ANKRD42: variants seen among roughly 807,000 people sequenced by gnomAD.
ANKRD42 encodes ankyrin repeat domain 42, also known as ankyrin repeat domain-containing protein 42.
ANKRD42 carries 43 observed loss-of-function variants against 51.5 expected under a neutral mutation model. The ratio of observed to expected loss-of-function variants is 0.83; its 90% CI spans 0.65 to 1.08. ANKRD42 has a LOEUF of 1.08. ANKRD42 is among the 50% of genes least tolerant of loss of function. The pLI, the probability that ANKRD42 is intolerant of heterozygous loss-of-function variation, is 0.00. For missense variants in ANKRD42, 608 were observed against 629.3 expected (o/e 0.97, Z 0.36); for synonymous variants, 203 against 213.0 (o/e 0.95, Z 0.41).
chr11:83,239,218 T>C lies in ANKRD42; in HGVS notation c.1020-1541T>C, dbSNP rs137964830. Among the ~76,000 whole-genome samples the C allele has an allele frequency of 8.9e-4, 136 of 152,344 alleles. 2 individuals carry two copies. Among genetic ancestry groups the C allele is most frequent in the Middle Eastern group, 3.4e-3 (1 of 294 alleles). ...ACATACTTGCCATCTGTATATTTTC[T>C]TTGATGAAGTGATTATTCAGATCTT... On this transcript the variant is annotated intron_variant, in intron 8 of 10. Transcript: ENST00000533342.
chr11:83,245,364 A>G, intron 9 of ANKRD42, 134 bp from the exon 10 acceptor site: 1 of 882,934 alleles, frequency 1.1e-6, no homozygotes, highest in Non-Finnish European at 1.7e-6. Context: ...GTATATACCA[A>G]CCTTCCTCCA....
rs533469095 is a variant in ANKRD42 at position 83,220,148 on chromosome 11, G to A, written c.587-4707G>A. Among the ~76,000 whole-genome samples, 49 of 152,300 alleles carry A rather than the reference G, an allele frequency of 3.2e-4. 1 individual carries two copies. Among genetic ancestry groups the A allele is most frequent in the Non-Finnish European group, 8.8e-5 (6 of 68,020 alleles). On this transcript the variant is annotated intron_variant, in intron 5 of 10. Coordinates refer to ENST00000533342, the MANE Select transcript of ANKRD42 (RefSeq NM_001300975.2). ...GGATATCTGGGAGACTAAGACGTCC[G>A]CTGAGCACTCCCAGGTGTATTTTGG...
downstream of ANKRD42, among the ~76,000 whole-genome samples, chr11:83,264,153 A>G (rs578106983): frequency 2.6e-5 from 4 of 152,334 alleles, no homozygotes; most frequent in East Asian, 7.7e-4. Flanking sequence ...TGTTCAATAC[A>G]GTATTGTCCT....
At chr11:83,245,027 C>G (rs962431876) in intron 9 of ANKRD42, among the ~76,000 whole-genome samples, 2 of 152,100 alleles carry the variant, frequency 1.3e-5, no homozygotes, top group East Asian at 3.9e-4. Flanking sequence ...GCCTCAGCCT[C>G]ATGAGTAGCT....
intron 3 of ANKRD42, chr11:83,209,964 A>G (rs1862242774): frequency 2.8e-6 from 1 of 359,266 alleles, no homozygotes; most frequent in African/African-American, 2.1e-5. Flanking sequence ...GATCATGTAA[A>G]CTTGCTGTTT....
chr11:83,258,036 T>G (rs565721124), downstream of ANKRD42, among the ~76,000 whole-genome samples: 14 of 152,338 alleles, frequency 9.2e-5, no homozygotes, highest in African/African-American at 3.4e-4. Flanking sequence ...ATGCCACCTC[T>G]TGCTCTTTTC....
At position 83,194,317 on chromosome 11, in the gene ANKRD42, C is replaced by A. The variant is rs966282830; in HGVS notation, c.-354C>A. On this transcript the variant is annotated 5_prime_UTR_variant, in exon 1 of 11. Transcript: ENST00000533342. Reference sequence around the variant, plus strand: ...GGATAGAGTCAGTGACGATCGCAGTCGCCGCTTCAGTGGCTCCTGGGAGGG... The same window carrying A: ...GGATAGAGTCAGTGACGATCGCAGTAGCCGCTTCAGTGGCTCCTGGGAGGG... 2.9e-5 allele frequency: 15 copies of A among 517,952 alleles called. No individual in the cohort carries two copies. Among genetic ancestry groups the A allele is most frequent in the Non-Finnish European group, 5.6e-5 (15 of 267,822 alleles). The allele number at this position is 517,952 out of a possible 1,614,324, so 32.1% of individuals were successfully genotyped here.
chr11:83,248,276 T>C lies in ANKRD42; in HGVS notation c.*72T>C. ...GATGATAACTTATACTTTCTAGAGC[T>C]GATGACAGGATTAAAGGAATACACA... On this transcript the variant is annotated 3_prime_UTR_variant, in exon 11 of 11. Coordinates refer to ENST00000533342, the MANE Select transcript of ANKRD42 (RefSeq NM_001300975.2). 7.0e-7 allele frequency: 1 copy of C among 1,432,298 alleles called. No homozygotes were observed. Among genetic ancestry groups the C allele is most frequent in the Non-Finnish European group, 9.1e-7 (1 of 1,100,802 alleles). 88.7% of individuals were successfully genotyped at this position (1,432,298 alleles called of 1,614,324 possible).
Position 83,240,793 on chromosome 11 carries a change from GA to G in ANKRD42, c.1055del (p.Glu352GlyfsTer7). The G allele has an allele frequency of 6.2e-7, 1 of 1,614,024 alleles. No individual in the cohort carries two copies. Among genetic ancestry groups the G allele is most frequent in the Non-Finnish European group, 8.5e-7 (1 of 1,179,962 alleles). The stretch of plus-strand genomic sequence containing the variant: ...TTTGGCAGCAGTGAAGCTGTTAGAG[GA>G]GCTACAGAAATATGATATAGATGAC... Reference protein sequence around the residue: ...AHLAAVKLLEELQKYDIDDEN... With the variant: ...AHLAAVKLLEXLQKYDIDDEN... On this transcript the variant is annotated frameshift_variant, in exon 9 of 11. Transcript: ENST00000533342. LOFTEE classifies it high-confidence loss of function.
intron 1 of ANKRD42, among the ~76,000 whole-genome samples, chr11:83,195,956 C>T (rs1000465480): frequency 6.6e-6 from 1 of 151,378 alleles, no homozygotes; most frequent in Non-Finnish European, 1.5e-5. Flanking sequence ...CACCATTCTT[C>T]TGCGTCAGCC....
chr11:83,196,188 A>G (rs1198576486), intron 1 of ANKRD42, among the ~76,000 whole-genome samples: 1 of 152,008 alleles, frequency 6.6e-6, no homozygotes, highest in East Asian at 1.9e-4. Flanking sequence ...CATTCAGTAA[A>G]TTCTCTTCCC....
intron 9 of ANKRD42, 26 bp from the exon 10 acceptor site, chr11:83,245,472 G>T (rs1443039527): frequency 1.3e-6 from 2 of 1,533,662 alleles, no homozygotes; most frequent in Non-Finnish European, 1.7e-6. Flanking sequence ...TGTCTAACTA[G>T]GTTCCTACTC....
At chr11:83,234,458 A>G (rs980808880) in intron 7 of ANKRD42, among the ~76,000 whole-genome samples, 10 of 152,208 alleles carry the variant, frequency 6.6e-5, no homozygotes, top group African/African-American at 2.4e-4. Flanking sequence ...AATTTCTAAC[A>G]ACTATATAAT....
At position 83,242,629 on chromosome 11, in the gene ANKRD42, G is replaced by A. The variant is rs1300437026; in HGVS notation, c.1195+1695G>A. ...TCGCCAGGCTGGAGTGCAGTGGCAC[G>A]ATCTTGGCTCACTGCAACCTCCGCC... On this transcript the variant is annotated intron_variant, in intron 9 of 10. Coordinates refer to ENST00000533342, the MANE Select transcript of ANKRD42 (RefSeq NM_001300975.2). Among the ~76,000 whole-genome samples, 3 of 143,464 alleles carry A rather than the reference G, an allele frequency of 2.1e-5. No homozygotes were observed. In the Admixed American group the frequency reaches 2.2e-4, roughly 10 times the overall value. The allele number at this position is 143,464 out of a possible 152,430, so 94.1% of individuals were successfully genotyped here. A position where few individuals can be genotyped will look rare whatever the true frequency, so the allele number is the denominator to read the frequency against.
rs774070262 is a variant in ANKRD42, at chr11:83,224,892, C to A, written c.624C>A (p.Phe208Leu). ...LAAMEGHLHC[F>L]KFLVSRMSSA... ...CCATGGAAGGCCACCTTCACTGTTT[C>A]AAATTCCTAGTCAGTAGAATGAGCA... The change falls in exon 6 of 11, where the codon TTC becomes TTA. Residue 208 changes from phenylalanine to leucine, a missense_variant. Transcript: ENST00000533342. The A allele has an allele frequency of 6.2e-7, 1 of 1,606,582 alleles. No individual in the cohort carries two copies. Among genetic ancestry groups the A allele is most frequent in the Admixed American group, 1.7e-5 (1 of 59,752 alleles).
At chr11:83,204,025 C>T (rs1861971842) in intron 2 of ANKRD42, among the ~76,000 whole-genome samples, 1 of 152,126 alleles carries the variant, frequency 6.6e-6, no homozygotes, top group Non-Finnish European at 1.5e-5. Flanking sequence ...TCACTGCAAC[C>T]TCTGCCTCCT....
chr11:83,244,797 A>C (rs1470727320), intron 9 of ANKRD42, among the ~76,000 whole-genome samples: 2 of 152,210 alleles, frequency 1.3e-5, no homozygotes, highest in Non-Finnish European at 2.9e-5. Context: ...ACCAATCACA[A>C]AATTTGTGGC....
intron 9 of ANKRD42, among the ~76,000 whole-genome samples, chr11:83,245,116 C>G (rs1223033412): frequency 6.6e-6 from 1 of 152,136 alleles, no homozygotes; most frequent in African/African-American, 2.4e-5. Context: ...GTTGGCCAGG[C>G]TGGTCTCGAA....
chr11:83,208,441 C>G (rs558916682), intron 3 of ANKRD42, among the ~76,000 whole-genome samples: 1 of 151,878 alleles, frequency 6.6e-6, no homozygotes, highest in Admixed American at 6.6e-5. Context: ...GGACCTTAAC[C>G]GGGGAATGAG....
Sources: allele counts gnomAD v4.1 joint callset (sites outside exome capture counted in the v4.1 genomes callset), GRCh38; gene constraint gnomAD v4.1.1; transcripts MANE v1.5; gene names NCBI Gene and HGNC (gene_info 2026-07-23, HGNC 2026-07-21).